Variants in LRRIQ1 observed in about 807,000 individuals in gnomAD.
The protein encoded by LRRIQ1 is leucine rich repeats and IQ motif containing 1, also known as leucine-rich repeat- and IQ domain-containing protein 1.
A neutral mutation model predicts 211.9 loss-of-function variants in LRRIQ1; 210 were observed. The observed-to-expected ratio is 0.99, with a 90% CI of 0.89 to 1.11. The LOEUF (loss-of-function observed/expected upper bound fraction) is 1.11, where lower values mean the gene tolerates loss of function less well. Among genes scored for constraint, LRRIQ1 ranks in the 50% most tolerant of loss-of-function variants. The pLI, the probability that LRRIQ1 is intolerant of heterozygous loss-of-function variation, is 0.00. For missense variants in LRRIQ1, 2,136 were observed against 1,939.5 expected (o/e 1.10, Z -1.90); for synonymous variants, 699 against 650.1 (o/e 1.08, Z -1.14).
At chr12:85,087,788 G>A (rs1468755654) in intron 11 of LRRIQ1, among the ~76,000 whole-genome samples, 2 of 152,180 alleles carry the variant, frequency 1.3e-5, no homozygotes, top group Non-Finnish European at 2.9e-5. Flanking sequence ...TTTTGATGGA[G>A]TTGTTTGATT....
chr12:85,191,437 G>A (rs549450002), intron 24 of LRRIQ1, among the ~76,000 whole-genome samples: 166 of 151,938 alleles, frequency 1.1e-3, no homozygotes, highest in African/African-American at 3.7e-3. Context: ...TTTTCAGATT[G>A]GCATCTTTCA....
chr12:85,228,263 G>T (rs570180173), intron 24 of LRRIQ1, among the ~76,000 whole-genome samples: 261 of 152,110 alleles, frequency 1.7e-3, no homozygotes, highest in African/African-American at 6.2e-3. Flanking sequence ...AAATTTTTAC[G>T]ATCTACCCAT....
intron 24 of LRRIQ1, among the ~76,000 whole-genome samples, chr12:85,175,381 A>G (rs934940123): frequency 6.6e-6 from 1 of 152,180 alleles, no homozygotes; most frequent in African/African-American, 2.4e-5. Flanking sequence ...ATTTGCTATC[A>G]ATACATTCAA....
At chr12:85,152,435 C>A in intron 20 of LRRIQ1, 66 bp downstream of exon 20, 3 of 1,209,894 alleles carry the variant, frequency 2.5e-6, no homozygotes, top group Non-Finnish European at 3.5e-6. Flanking sequence ...TGCTATGTTG[C>A]AGTGATTAAT....
intron 24 of LRRIQ1, among the ~76,000 whole-genome samples, chr12:85,212,144 G>A (rs1030996445): frequency 1.3e-5 from 2 of 152,000 alleles, no homozygotes; most frequent in Non-Finnish European, 2.9e-5. Flanking sequence ...AAGTAGCCAG[G>A]TGTGGTGGCA....
At chr12:85,099,981 C>T (rs1342763860) in intron 13 of LRRIQ1, among the ~76,000 whole-genome samples, 1 of 151,714 alleles carries the variant, frequency 6.6e-6, no homozygotes, top group Non-Finnish European at 1.5e-5. Context: ...ACATTTGTTC[C>T]CAGAGCCAGC....
chr12:85,224,857 A>G (rs1894573681), intron 24 of LRRIQ1, among the ~76,000 whole-genome samples: 1 of 152,156 alleles, frequency 6.6e-6, no homozygotes, highest in African/African-American at 2.4e-5. Context: ...CACATTCTGC[A>G]CATGTATCTC....
intron 1 of LRRIQ1, among the ~76,000 whole-genome samples, chr12:85,256,973 G>C (rs1279840886): frequency 7.8e-6 from 1 of 128,682 alleles, no homozygotes; most frequent in East Asian, 2.2e-4. Flanking sequence ...AAATTAATTT[G>C]GGAAATATTG....
At chr12:85,167,239 G>A (rs893635626) in intron 24 of LRRIQ1, among the ~76,000 whole-genome samples, 1 of 152,118 alleles carries the variant, frequency 6.6e-6, no homozygotes, top group African/African-American at 2.4e-5. Context: ...TATGCCATAT[G>A]TATTATTAGT....
intron 26 of LRRIQ1, among the ~76,000 whole-genome samples, chr12:85,243,952 G>A (rs1406689210): frequency 6.6e-6 from 1 of 151,370 alleles, no homozygotes; most frequent in African/African-American, 2.4e-5. Context: ...CAAACATTAA[G>A]AACAATGCAT....
rs1882480669 is a variant in LRRIQ1 at position 85,066,782 on chromosome 12, T to C, written c.2579T>C (p.Leu860Ser). Residue 860 changes from leucine to serine, a missense_variant, in exon 10 of 27, where the codon TTG becomes TCG. Leu to Ser is a moderately radical substitution (Grantham distance 145). Coordinates refer to ENST00000393217, the MANE Select transcript of LRRIQ1 (RefSeq NM_001079910.2). ...NHIEAIECEN[L>S]ENLCVVLLNK... ...ATTGAGGCTATTGAGTGTGAAAATT[T>C]GGAAAATCTCTGTGTTGTTCTTCTT... 3 of 1,597,608 alleles carry C rather than the reference T, an allele frequency of 1.9e-6. 1 individual carries two copies. Among genetic ancestry groups the C allele is most frequent in the African/African-American group, 2.7e-5 (2 of 74,196 alleles).
chr12:85,091,666 T>C (rs1349178092), intron 11 of LRRIQ1, among the ~76,000 whole-genome samples: 1 of 152,198 alleles, frequency 6.6e-6, no homozygotes, highest in African/African-American at 2.4e-5. Context: ...CATCTTGAGT[T>C]AGTTTTTGTA....
At chr12:85,218,981 A>G (rs1894278828) in intron 24 of LRRIQ1, among the ~76,000 whole-genome samples, 1 of 152,062 alleles carries the variant, frequency 6.6e-6, no homozygotes, top group South Asian at 2.1e-4. Context: ...AATATTATTT[A>G]TCTTAATCAC....
chr12:85,161,069 T>A (rs1054575321), intron 24 of LRRIQ1, among the ~76,000 whole-genome samples: 1 of 152,252 alleles, frequency 6.6e-6, no homozygotes, highest in South Asian at 2.1e-4. Context: ...GTCGAAATGA[T>A]ATTCTGTTTA....
chr12:85,155,971 T>C (rs1320877237), intron 23 of LRRIQ1, among the ~76,000 whole-genome samples: 1 of 151,654 alleles, frequency 6.6e-6, no homozygotes, highest in Non-Finnish European at 1.5e-5. Context: ...ATTAAACCTC[T>C]TTTATCAGTC....
At chr12:85,163,522 C>T (rs181195238) in intron 24 of LRRIQ1, among the ~76,000 whole-genome samples, 9 of 152,206 alleles carry the variant, frequency 5.9e-5, no homozygotes, top group African/African-American at 1.7e-4. Context: ...TTTCCAAAAT[C>T]CACATTTATT....
chr12:85,157,071 A>G (rs990394299), intron 23 of LRRIQ1, among the ~76,000 whole-genome samples: 3 of 151,914 alleles, frequency 2.0e-5, no homozygotes, highest in African/African-American at 7.2e-5. Flanking sequence ...TTTATTTAAG[A>G]TGAAAATGAA....
chr12:85,238,816 T>G (rs1278717746), intron 26 of LRRIQ1, among the ~76,000 whole-genome samples: 1 of 152,052 alleles, frequency 6.6e-6, no homozygotes, highest in African/African-American at 2.4e-5. Flanking sequence ...AAAATCTGAT[T>G]GGAAAAGAAA....
intron 19 of LRRIQ1, among the ~76,000 whole-genome samples, chr12:85,141,067 T>G (rs1889499973): frequency 6.6e-6 from 1 of 151,308 alleles, no homozygotes; most frequent in Non-Finnish European, 1.5e-5. Context: ...TAGTATCGTA[T>G]TATGTTGGCC....
Sources: gnomAD v4.1 joint callset for allele counts (sites outside exome capture counted in the v4.1 genomes callset) on GRCh38, gnomAD v4.1.1 for gene constraint, MANE v1.5 for transcripts, NCBI Gene and HGNC (gene_info 2026-07-23, HGNC 2026-07-21) for gene names.